Variants in MTA3 observed in about 807,000 individuals in gnomAD.
MTA3 encodes the protein metastasis-associated protein MTA3.
A neutral mutation model predicts 83.5 loss-of-function variants in MTA3; 34 were observed. The ratio of observed to expected loss-of-function variants is 0.41; its 90% CI spans 0.31 to 0.54. The LOEUF (loss-of-function observed/expected upper bound fraction) is 0.54. Ranked by LOEUF, MTA3 falls within the 20% of genes least tolerant of loss-of-function variation. The pLI, the probability that MTA3 is intolerant of heterozygous loss-of-function variation, is 0.33. For missense variants in MTA3, 761 were observed against 726.4 expected (o/e 1.05, Z -0.55); for synonymous variants, 303 against 252.7 (o/e 1.20, Z -1.89).
chr2:42,717,804 C>T (rs1667131575), intron 14 of MTA3, among the ~76,000 whole-genome samples: 1 of 152,218 alleles, frequency 6.6e-6, no homozygotes, highest in African/African-American at 2.4e-5. Flanking sequence ...TAAGCCTTCA[C>T]AGTGGGGAAG....
At chr2:42,560,937 C>T (rs1331023019) in intron 2 of MTA3, among the ~76,000 whole-genome samples, 1 of 152,034 alleles carries the variant, frequency 6.6e-6, no homozygotes, top group Non-Finnish European at 1.5e-5. Context: ...ATTAAGTCTC[C>T]ATTATTCCAT....
intron 14 of MTA3, among the ~76,000 whole-genome samples, chr2:42,716,511 C>G (rs1667042307): frequency 6.6e-6 from 1 of 152,164 alleles, no homozygotes; most frequent in African/African-American, 2.4e-5. Context: ...GCCCCAGTGT[C>G]TGTTGCTCCC....
chr2:42,686,073 C>T (rs1352263102), intron 9 of MTA3, among the ~76,000 whole-genome samples: 1 of 152,154 alleles, frequency 6.6e-6, no homozygotes, highest in African/African-American at 2.4e-5. Context: ...TACCTGAGCA[C>T]TGAGCAACTG....
At chr2:42,573,976 G>T (rs992069875) in intron 2 of MTA3, among the ~76,000 whole-genome samples, 1 of 151,340 alleles carries the variant, frequency 6.6e-6, no homozygotes, top group Non-Finnish European at 1.5e-5. Flanking sequence ...CTGCCACTAC[G>T]CCTGGCTATT....
intron 3 of MTA3, among the ~76,000 whole-genome samples, chr2:42,605,830 C>T (rs1190275817): frequency 1.5e-5 from 2 of 132,122 alleles, no homozygotes; most frequent in Non-Finnish European, 3.3e-5. Context: ...GGCGGCTGGC[C>T]GGGTGGAGGG....
At chr2:42,676,024 A>T (rs775818830) in intron 8 of MTA3, among the ~76,000 whole-genome samples, 1 of 152,162 alleles carries the variant, frequency 6.6e-6, no homozygotes, top group Non-Finnish European at 1.5e-5. Flanking sequence ...TACTTTCTAC[A>T]CATTCTGAGC....
At chr2:42,678,776 CTGTG>C (rs370351218) in intron 8 of MTA3, among the ~76,000 whole-genome samples, 4 of 151,874 alleles carry the variant, frequency 2.6e-5, no homozygotes, top group South Asian at 2.1e-4. Context: ...TAATGCATCA[CTGTG>C]TGTGTGTGTA....
rs530804160 is a variant in MTA3, at chr2:42,514,491, A to C, written c.-141+19237A>C. On this transcript the variant is annotated intron_variant, in intron 2 of 17. Transcript: ENST00000405592. Reference sequence around the variant, plus strand: ...CTCCACCTCCAGGATTCAAGCAATTATCCTGCCTCAGCCTCCTGAGTGGCT... The same window carrying C: ...CTCCACCTCCAGGATTCAAGCAATTCTCCTGCCTCAGCCTCCTGAGTGGCT... 4.6e-5 allele frequency among the ~76,000 whole-genome samples: 7 copies of C among 151,808 alleles called. No homozygotes were observed. In the East Asian group the frequency reaches 1.2e-3, roughly 25 times the overall value.
At position 42,539,754 on chromosome 2, in the gene MTA3, A is replaced by G. The variant is rs537537976; in HGVS notation, c.-140-30683A>G. Reference sequence around the variant, plus strand: ...GTGCCACCATGCCCAGCTAATTTTTATAGAGACGAGGTCTCACTATGTTGC... The same window carrying G: ...GTGCCACCATGCCCAGCTAATTTTTGTAGAGACGAGGTCTCACTATGTTGC... On this transcript the variant is annotated intron_variant, in intron 2 of 17. Coordinates refer to the MTA3 transcript ENST00000405592. Among the ~76,000 whole-genome samples, 115 of 151,490 alleles carry G rather than the reference A, an allele frequency of 7.6e-4. 1 individual carries two copies. Among genetic ancestry groups the G allele is most frequent in the African/African-American group, 2.7e-3 (112 of 41,370 alleles).
intron 3 of MTA3, among the ~76,000 whole-genome samples, chr2:42,596,840 G>C (rs1320407465): frequency 6.6e-6 from 1 of 151,404 alleles, no homozygotes; most frequent in Non-Finnish European, 1.5e-5. Context: ...TTTTTTTGCT[G>C]TCTGTGGACT....
chr2:42,555,455 CAAAAAAAAAA>C (rs146740409), intron 2 of MTA3, among the ~76,000 whole-genome samples: 1 of 54,350 alleles, frequency 1.8e-5, no homozygotes, highest in Non-Finnish European at 3.1e-5. Flanking sequence ...AACTCCATCT[CAAAAAAAAAA>C]AAAAAAAAAA....
intron 16 of MTA3, among the ~76,000 whole-genome samples, chr2:42,727,584 A>G (rs1158676243): frequency 6.6e-6 from 1 of 152,092 alleles, no homozygotes; most frequent in Non-Finnish European, 1.5e-5. Context: ...GCAGGGGGAG[A>G]TGGAACTTGT....
chr2:42,586,924 G>A (rs1461109566), intron 3 of MTA3, among the ~76,000 whole-genome samples: 3 of 152,220 alleles, frequency 2.0e-5, no homozygotes, highest in Non-Finnish European at 4.4e-5. Flanking sequence ...TCAGGAGGCT[G>A]AGGCAAGAGA....
At position 42,707,978 on chromosome 2, in the gene MTA3, A is replaced by C; in HGVS notation, c.1226A>C (p.Tyr409Ser). 1 of 1,613,572 alleles carries C rather than the reference A, an allele frequency of 6.2e-7. No individual in the cohort carries two copies. Among genetic ancestry groups the C allele is most frequent in the South Asian group, 1.1e-5 (1 of 91,008 alleles). Residue 409 changes from tyrosine to serine, a missense_variant, in exon 13 of 17, where the codon TAT (tyrosine) becomes TCT (serine). Physicochemically the swap from Tyr to Ser is moderately radical, Grantham distance 144. Coordinates refer to ENST00000405094, the MANE Select transcript of MTA3 (RefSeq NM_001330442.2). Reference protein sequence around the residue: ...QCRLCAICWLYWKKYGGLKMP... With the variant: ...QCRLCAICWLSWKKYGGLKMP... Reference sequence around the variant, plus strand: ...AGATTATGTGCAATTTGTTGGCTTTATTGGAAAAAATATGGAGGCTTGAAA... The same window carrying C: ...AGATTATGTGCAATTTGTTGGCTTTCTTGGAAAAAATATGGAGGCTTGAAA...
chr2:42,691,120 G>A (rs898207676), intron 9 of MTA3, among the ~76,000 whole-genome samples: 13 of 151,238 alleles, frequency 8.6e-5, no homozygotes, highest in African/African-American at 2.4e-4. Flanking sequence ...CAAGCAATCC[G>A]CCCGCCTCGG....
intron 15 of MTA3, among the ~76,000 whole-genome samples, 177 bp downstream of exon 15, chr2:42,719,251 C>T (rs1343813324): frequency 2.6e-5 from 4 of 152,124 alleles, no homozygotes; most frequent in Non-Finnish European, 5.9e-5. Context: ...GCACACACAA[C>T]ACACACACAT....
At chr2:42,695,919 T>C in intron 10 of MTA3, 80 bp downstream of exon 10, 1 of 918,048 alleles carries the variant, frequency 1.1e-6, no homozygotes. Flanking sequence ...TTTGGCGATG[T>C]ACTACTTTTA....
At chr2:42,600,231 G>A (rs1459137378) in intron 3 of MTA3, among the ~76,000 whole-genome samples, 1 of 152,036 alleles carries the variant, frequency 6.6e-6, no homozygotes, top group East Asian at 1.9e-4. Context: ...AAACTTGCTT[G>A]TGGTTGTCTG....
chr2:42,634,644 C>A (rs1558526391), intron 4 of MTA3, among the ~76,000 whole-genome samples: 2 of 152,118 alleles, frequency 1.3e-5, no homozygotes, highest in Non-Finnish European at 2.9e-5. Context: ...AACCATATCA[C>A]CCCCTTTCAT....
Sources: gnomAD v4.1 joint callset for allele counts (sites outside exome capture counted in the v4.1 genomes callset) on GRCh38, gnomAD v4.1.1 for gene constraint, MANE v1.5 for transcripts, NCBI Gene and HGNC (gene_info 2026-07-23, HGNC 2026-07-21) for gene names.